EBF1: variants seen among roughly 807,000 people sequenced by gnomAD.
EBF1 encodes the protein transcription factor COE1.
EBF1 carries 10 observed loss-of-function variants against 68.4 expected under a neutral mutation model. That is an observed-to-expected ratio of 0.15 (90% CI 0.09 to 0.25). EBF1 has a LOEUF of 0.25. Ranked by LOEUF, EBF1 falls within the 10% of genes least tolerant of loss-of-function variation. EBF1 has a pLI of 1.00. For missense variants in EBF1, 509 were observed against 794.4 expected (o/e 0.64, Z 4.32); for synonymous variants, 298 against 299.8 (o/e 0.99, Z 0.06).
At chr5:158,751,630 T>C (rs1768924241) in intron 10 of EBF1, among the ~76,000 whole-genome samples, 1 of 152,130 alleles carries the variant, frequency 6.6e-6, no homozygotes, top group African/African-American at 2.4e-5. Flanking sequence ...GCTTAATCTA[T>C]GTCTCAGTCT....
rs114432272 is a variant in EBF1 at position 159,031,617 on chromosome 5, C to T, written c.554+41779G>A. On this transcript the variant is annotated intron_variant, in intron 6 of 15. Transcript: ENST00000313708. ...CTGTGGCACAGTCACTAGCACATCT[C>T]CAGTTTTAAAATCATGCATTCAGTC... 6.3e-3 allele frequency among the ~76,000 whole-genome samples: 959 copies of T among 152,288 alleles called. 8 individuals are homozygous for T. Among genetic ancestry groups the T allele is most frequent in the African/African-American group, 0.02 (817 of 41,570 alleles).
At chr5:158,750,321 G>T (rs1486553524) in intron 10 of EBF1, among the ~76,000 whole-genome samples, 1 of 152,050 alleles carries the variant, frequency 6.6e-6, no homozygotes, top group African/African-American at 2.4e-5. Context: ...CATTAGACAG[G>T]GTCCCTGTCT....
intron 8 of EBF1, among the ~76,000 whole-genome samples, chr5:158,809,350 T>A (rs1480398579): frequency 9.9e-5 from 15 of 152,256 alleles, no homozygotes; most frequent in South Asian, 2.1e-4. Context: ...ATTGATATAG[T>A]CAAATGTTTA....
At chr5:158,856,986 CAA>C (rs1794155302) in intron 6 of EBF1, among the ~76,000 whole-genome samples, 4 of 109,152 alleles carry the variant, frequency 3.7e-5, no homozygotes, top group Admixed American at 8.5e-5. Flanking sequence ...CGAGAAAAAA[CAA>C]AACAAAACAA....
chr5:158,958,836 C>A (rs1817638070), intron 6 of EBF1, among the ~76,000 whole-genome samples: 1 of 152,118 alleles, frequency 6.6e-6, no homozygotes, highest in Non-Finnish European at 1.5e-5. Context: ...ACGTTCAATG[C>A]CATGTGCCGT....
intron 6 of EBF1, among the ~76,000 whole-genome samples, chr5:158,936,958 T>C (rs1812145237): frequency 6.6e-6 from 1 of 151,738 alleles, no homozygotes; most frequent in African/African-American, 2.4e-5. Flanking sequence ...AAAGTAGAGG[T>C]TAGGGGAGAT....
chr5:158,839,900 G>A (rs1789786200), intron 7 of EBF1, 129 bp downstream of exon 7: 1 of 794,792 alleles, frequency 1.3e-6, no homozygotes, highest in Non-Finnish European at 2.1e-6. Context: ...CAGATACCTG[G>A]GGGACCAAGG....
chr5:158,959,729 T>C (rs183640212), intron 6 of EBF1, among the ~76,000 whole-genome samples: 5 of 152,310 alleles, frequency 3.3e-5, no homozygotes, highest in Admixed American at 3.3e-4. Context: ...TCAACTTCCC[T>C]AGTCTTTAAT....
chr5:158,787,271 T>C (rs1479036550), intron 9 of EBF1, among the ~76,000 whole-genome samples: 2 of 152,180 alleles, frequency 1.3e-5, no homozygotes, highest in African/African-American at 2.4e-5. Flanking sequence ...CACAGTAATA[T>C]AGTTCTGTGT....
intron 6 of EBF1, among the ~76,000 whole-genome samples, chr5:159,025,462 C>T (rs577215562): frequency 6.6e-5 from 10 of 152,280 alleles, no homozygotes; most frequent in African/African-American, 2.2e-4. Flanking sequence ...TTGTTTTTCC[C>T]GCACTGTGTA....
intron 6 of EBF1, among the ~76,000 whole-genome samples, chr5:158,947,326 C>A (rs1429326847): frequency 1.3e-5 from 2 of 152,130 alleles, no homozygotes; most frequent in East Asian, 3.9e-4. Flanking sequence ...GTGGTATTGG[C>A]AACCGGGAGA....
intron 6 of EBF1, among the ~76,000 whole-genome samples, chr5:158,876,902 C>A (rs528544659): frequency 2.6e-5 from 4 of 152,084 alleles, no homozygotes; most frequent in East Asian, 3.9e-4. Context: ...ATTTAGAGGT[C>A]TTTTTTACAT....
intron 4 of EBF1, among the ~76,000 whole-genome samples, chr5:159,087,429 CACATATATAT>C (rs1297871014): frequency 6.8e-6 from 1 of 146,916 alleles, no homozygotes; most frequent in African/African-American, 2.6e-5. Flanking sequence ...CATATATACA[CACATATATAT>C]ACATATATAT....
chr5:158,918,896 T>C (rs1041253332), intron 6 of EBF1, among the ~76,000 whole-genome samples: 1 of 152,214 alleles, frequency 6.6e-6, no homozygotes, highest in Non-Finnish European at 1.5e-5. Context: ...TTCTTGAAAT[T>C]TAGGTTAAGG....
chr5:158,804,100 C>T (rs899906321), intron 8 of EBF1, among the ~76,000 whole-genome samples: 1 of 149,948 alleles, frequency 6.7e-6, no homozygotes, highest in Non-Finnish European at 1.5e-5. Flanking sequence ...GATTTTCATC[C>T]TTTATTCCAA....
At chr5:158,971,181 A>G (rs1034247625) in intron 6 of EBF1, among the ~76,000 whole-genome samples, 1 of 152,244 alleles carries the variant, frequency 6.6e-6, no homozygotes, top group Non-Finnish European at 1.5e-5. Context: ...AGTGGGGATA[A>G]CAATGCTTAA....
chr5:158,793,276 G>T (rs1470038975), intron 9 of EBF1, among the ~76,000 whole-genome samples: 1 of 152,182 alleles, frequency 6.6e-6, no homozygotes, highest in Non-Finnish European at 1.5e-5. Context: ...TGCATTTTCT[G>T]TAGCTTTTTC....
Position 159,074,723 on chromosome 5 carries a change from T to C in EBF1, c.486-1259A>G, listed in dbSNP as rs151329687. The stretch of plus-strand genomic sequence containing the variant: ...GTCTCCACTCTTAAGTGTCTTCTGT[T>C]TTTCTTTCATGTCTTCGGAGAGTAA... On this transcript the variant is annotated intron_variant, in intron 5 of 15. Coordinates refer to ENST00000313708, the MANE Select transcript of EBF1 (RefSeq NM_024007.5). Among the ~76,000 whole-genome samples the C allele has an allele frequency of 7.2e-5, 11 of 152,346 alleles. No homozygotes were observed. In the East Asian group the frequency reaches 2.1e-3, roughly 29 times the overall value.
At chr5:158,981,196 T>A (rs970344801) in intron 6 of EBF1, among the ~76,000 whole-genome samples, 1 of 149,270 alleles carries the variant, frequency 6.7e-6, no homozygotes, top group Non-Finnish European at 1.5e-5. Context: ...TGCATCAAAA[T>A]GACTCCAACA....
Sources: gnomAD v4.1 joint callset for allele counts (sites outside exome capture counted in the v4.1 genomes callset) on GRCh38, gnomAD v4.1.1 for gene constraint, MANE v1.5 for transcripts, NCBI Gene and HGNC (gene_info 2026-07-23, HGNC 2026-07-21) for gene names.